Variants in ATXN1 observed in about 807,000 individuals in gnomAD.
ATXN1 encodes ataxin 1, also known as ataxin-1.
In ATXN1, 8 loss-of-function variants were observed where a neutral mutation model predicts 56.4. The ratio of observed to expected loss-of-function variants is 0.14; its 90% confidence interval spans 0.08 to 0.26. The LOEUF (loss-of-function observed/expected upper bound fraction) is 0.26. Ranked by LOEUF, ATXN1 falls within the 10% of genes least tolerant of loss-of-function variation. The probability of loss-of-function intolerance (pLI) is 1.00; values close to 1 mark genes in which losing one functional copy is unlikely to be tolerated. For missense variants in ATXN1, 987 were observed against 1,106.5 expected, an observed-to-expected ratio of 0.89 and a Z score of 1.53; for synonymous variants, 514 against 494.6, an observed-to-expected ratio of 1.04 and a Z score of -0.52.
chr6:16,573,017 AT>A (rs1369834220), intron 4 of ATXN1, among the ~76,000 whole-genome samples: 1 of 152,118 alleles, frequency 6.6e-6, no homozygotes, highest in South Asian at 2.1e-4. Context: ...AGTTTGAAAG[AT>A]CTTCTAACAC....
intron 4 of ATXN1, among the ~76,000 whole-genome samples, chr6:16,573,530 T>C (rs1762368686): frequency 1.3e-5 from 2 of 152,124 alleles, no homozygotes; most frequent in Admixed American, 1.3e-4. Flanking sequence ...ACATACATTG[T>C]CACCGGTTTC....
chr6:16,705,244 A>G (rs1239258966), intron 2 of ATXN1, among the ~76,000 whole-genome samples: 3 of 152,164 alleles, frequency 2.0e-5, no homozygotes, highest in Non-Finnish European at 1.5e-5. Context: ...CAATAGCCCT[A>G]CTGTTTTGCT....
At chr6:16,371,313 A>AT (rs59728940) in intron 6 of ATXN1, among the ~76,000 whole-genome samples, 24,934 of 143,866 alleles carry the variant, frequency 0.17, 2,209 homozygotes, top group East Asian at 0.37. Context: ...TGTAGTTACA[A>AT]TTTTTTTTTT....
chr6:16,746,246 C>T (rs1760533531), intron 2 of ATXN1, among the ~76,000 whole-genome samples: 1 of 152,234 alleles, frequency 6.6e-6, no homozygotes, highest in African/African-American at 2.4e-5. Flanking sequence ...AACAACAAAC[C>T]CTCTCAAATG....
At position 16,357,895 on chromosome 6, in the gene ATXN1, G is replaced by A. The variant is rs1406973866; in HGVS notation, c.-160-29425C>T. The stretch of plus-strand genomic sequence containing the variant: ...AGAGGAGGGGCAGATAATAAAGCTC[G>A]TTAATAAAGATAGTAAGACCCATTT... On this transcript the variant is annotated intron_variant, in intron 6 of 7. Transcript: ENST00000436367. Among the ~76,000 whole-genome samples, 15 of 152,260 alleles carry A rather than the reference G, an allele frequency of 9.9e-5. No homozygotes were observed. In the South Asian group the frequency reaches 1.2e-3, roughly 13 times the overall value.
In ATXN1 at chr6:16,760,442, G is replaced by A; in HGVS notation, c.-730+856C>T. ...GGCGGCTGCCGCTGCACATGATCAG[G>A]AAGCGGCCGCACCAACAGGGCGGCG... On this transcript the variant is annotated intron_variant, in intron 1 of 7. Transcript: ENST00000436367. The surrounding 1 kb of genome is among the most constrained non-coding windows in gnomAD (Gnocchi z 5.3). Among the ~76,000 whole-genome samples, 1 of 151,054 alleles carries A rather than the reference G, an allele frequency of 6.6e-6. No homozygotes were observed.
chr6:16,523,785 A>G (rs1761340321), intron 4 of ATXN1, among the ~76,000 whole-genome samples: 1 of 152,168 alleles, frequency 6.6e-6, no homozygotes, highest in Non-Finnish European at 1.5e-5. Context: ...CGGGCCAAAC[A>G]AAGTGTGGGA....
At chr6:16,516,376 A>G (rs1434961326) in intron 5 of ATXN1, among the ~76,000 whole-genome samples, 2 of 152,210 alleles carry the variant, frequency 1.3e-5, no homozygotes, top group African/African-American at 4.8e-5. Context: ...GAGTTATACA[A>G]AAAGCTAAAA....
At position 16,385,667 on chromosome 6, in the gene ATXN1, A is replaced by G. The variant is rs562172831; in HGVS notation, c.-160-57197T>C. 4.6e-5 allele frequency among the ~76,000 whole-genome samples: 7 copies of G among 152,362 alleles called. No individual in the cohort carries two copies. The South Asian group carries it at 1.2e-3, about 27-fold the overall frequency. On this transcript the variant is annotated intron_variant, in intron 6 of 7. Transcript: ENST00000436367. The stretch of plus-strand genomic sequence containing the variant: ...TCTAACTTGACGCTGAAAGTTCTCT[A>G]CAATCCCCCTACATGCAGTAGGTAC...
intron 2 of ATXN1, among the ~76,000 whole-genome samples, chr6:16,750,306 A>C (rs1760671495): frequency 1.3e-5 from 2 of 152,232 alleles, no homozygotes; most frequent in Admixed American, 1.3e-4. Flanking sequence ...ATTCACAATG[A>C]ATAAATGAAT....
intron 3 of ATXN1, among the ~76,000 whole-genome samples, chr6:16,645,737 T>C (rs1561792064): frequency 1.3e-5 from 2 of 152,204 alleles, no homozygotes. Context: ...AGATGAAACA[T>C]GCACAGGCAA....
At chr6:16,597,460 A>C (rs1345634742) in intron 3 of ATXN1, among the ~76,000 whole-genome samples, 1 of 142,552 alleles carries the variant, frequency 7.0e-6, no homozygotes, top group Non-Finnish European at 1.5e-5. Context: ...TTTTTTTGAG[A>C]CAGAGTCTTG....
chr6:16,750,258 C>T (rs913198126), intron 2 of ATXN1, among the ~76,000 whole-genome samples: 6 of 152,230 alleles, frequency 3.9e-5, no homozygotes, highest in African/African-American at 1.4e-4. Flanking sequence ...CTCTTATTCA[C>T]TTCCATTCCC....
At chr6:16,336,036 A>G (rs1761115569) in intron 6 of ATXN1, among the ~76,000 whole-genome samples, 1 of 152,204 alleles carries the variant, frequency 6.6e-6, no homozygotes, top group South Asian at 2.1e-4. Flanking sequence ...GCCCTAAGAA[A>G]CCAATCCAAA....
At chr6:16,501,772 G>A (rs999836262) in intron 5 of ATXN1, among the ~76,000 whole-genome samples, 12 of 152,074 alleles carry the variant, frequency 7.9e-5, no homozygotes, top group African/African-American at 2.9e-4. Context: ...AAATACTGCT[G>A]CAGTAAACAT....
At chr6:16,608,328 A>T (rs545561104) in intron 3 of ATXN1, among the ~76,000 whole-genome samples, 1 of 152,356 alleles carries the variant, frequency 6.6e-6, no homozygotes, top group African/African-American at 2.4e-5. Context: ...ATAAAATAGA[A>T]GTCAATAAAT....
At chr6:16,405,878 A>G (rs1758675948) in intron 6 of ATXN1, among the ~76,000 whole-genome samples, 1 of 152,172 alleles carries the variant, frequency 6.6e-6, no homozygotes, top group African/African-American at 2.4e-5. Context: ...GGAAATGGAA[A>G]GAGGTGCTGG....
intron 6 of ATXN1, among the ~76,000 whole-genome samples, chr6:16,334,439 A>T (rs1761067107): frequency 6.6e-6 from 1 of 151,968 alleles, no homozygotes; most frequent in Admixed American, 6.6e-5. Context: ...AACCTTCATT[A>T]AAAAAAATAT....
At chr6:16,629,340 C>T (rs1310414793) in intron 3 of ATXN1, among the ~76,000 whole-genome samples, 7 of 152,102 alleles carry the variant, frequency 4.6e-5, no homozygotes, top group Non-Finnish European at 1.0e-4. Flanking sequence ...CTCCCCGCCT[C>T]CCCCTGAGGC....
Sources: allele counts gnomAD v4.1 joint callset (sites outside exome capture counted in the v4.1 genomes callset), GRCh38; gene constraint gnomAD v4.1.1; non-coding constraint Gnocchi (gnomAD v3.1); transcripts MANE v1.5; gene names NCBI Gene and HGNC (gene_info 2026-07-23, HGNC 2026-07-21).